STAT1: variants seen among roughly 807,000 people sequenced by gnomAD.
The protein encoded by STAT1 is signal transducer and activator of transcription 1, also known as signal transducer and activator of transcription 1-alpha/beta.
Under a neutral mutation model 111.7 loss-of-function variants are expected in STAT1, and 24 were observed. That is an observed-to-expected ratio of 0.21 (90% CI 0.16 to 0.30). The LOEUF (loss-of-function observed/expected upper bound fraction) is 0.30, where lower values mean the gene tolerates loss of function less well. Among genes scored for constraint, STAT1 ranks in the 10% least tolerant of loss-of-function variants. The pLI is 1.00. For synonymous variants in STAT1, 332 were observed against 326.5 expected (o/e 1.02, Z -0.18); for missense variants, 351 against 911.9 (o/e 0.38, Z 7.92).
In STAT1 at chr2:191,006,225, G is replaced by C. The variant is rs187006906; in HGVS notation, c.372+1338C>G. On this transcript the variant is annotated intron_variant, in intron 5 of 24. Coordinates refer to ENST00000361099, the MANE Select transcript of STAT1 (RefSeq NM_007315.4). The surrounding 1 kb of genome is among the most constrained non-coding windows in gnomAD (Gnocchi z 4.6). ...GAAGCCCCATATAATCAAAACTGCC[G>C]GCTGAAAATCTCCCAGGTATATGCC... Among the ~76,000 whole-genome samples, 2,943 of 152,276 alleles carry C rather than the reference G, an allele frequency of 0.019. 191 individuals are homozygous for C. Among genetic ancestry groups the C allele is most frequent in the Admixed American group, 0.13 (1,939 of 15,294 alleles).
chr2:190,971,672 A>G lies in STAT1; in HGVS notation c.2239-955T>C, dbSNP rs1289915186. ...AAAGCACAGTGAAAGTGTTGCCCCTATGTTTCAGTCTAGCTTATGTTTCTC... is the reference window on the plus strand; with the variant it reads ...AAAGCACAGTGAAAGTGTTGCCCCTGTGTTTCAGTCTAGCTTATGTTTCTC... On this transcript the variant is annotated intron_variant, in intron 24 of 24. Coordinates refer to ENST00000361099, the MANE Select transcript of STAT1 (RefSeq NM_007315.4). The surrounding 1 kb of genome is among the most constrained non-coding windows in gnomAD (Gnocchi z 4.1). Among the ~76,000 whole-genome samples, 2 of 150,770 alleles carry G rather than the reference A, an allele frequency of 1.3e-5. No homozygotes were observed. Among genetic ancestry groups the G allele is most frequent in the African/African-American group, 4.9e-5 (2 of 40,902 alleles).
rs981207480 is a variant in STAT1 at position 190,981,884 on chromosome 2, C to G, written c.1582+499G>C. Among the ~76,000 whole-genome samples the G allele has an allele frequency of 6.6e-6, 1 of 152,224 alleles. No homozygotes were observed. Among genetic ancestry groups the G allele is most frequent in the Admixed American group, 6.5e-5 (1 of 15,280 alleles). On this transcript the variant is annotated intron_variant, in intron 18 of 24. Coordinates refer to ENST00000361099, the MANE Select transcript of STAT1 (RefSeq NM_007315.4). This position sits in a 1 kb window ranked among gnomAD's most constrained non-coding sequence, Gnocchi z 4.1. ...TACCACTGTCTAGACTCTGTCCAAT[C>G]AGGCAAAACTGCAGATCAAAAGAGG...
At position 190,997,726 on chromosome 2, in the gene STAT1, A is replaced by G; in HGVS notation, c.785+130T>C. On this transcript the variant is annotated intron_variant, in intron 9 of 24. Transcript: ENST00000361099. The surrounding 1 kb of genome is among the most constrained non-coding windows in gnomAD (Gnocchi z 7.3). ...AGGGAGTGTTTCCAGGGTAAGCAGAAGCTGGACTATGTCAAACTCTATACT... is the reference window on the plus strand; with the variant it reads ...AGGGAGTGTTTCCAGGGTAAGCAGAGGCTGGACTATGTCAAACTCTATACT... The G allele has an allele frequency of 1.4e-6, 2 of 1,395,398 alleles. No homozygotes were observed. The highest frequency in any genetic ancestry group is 1.8e-5 in the Admixed American group (1 of 54,928). 86.4% of individuals were successfully genotyped at this position (1,395,398 alleles called of 1,614,324 possible).
intron 5 of STAT1, among the ~76,000 whole-genome samples, chr2:191,002,844 G>A (rs1235046973): frequency 6.6e-6 from 1 of 152,128 alleles, no homozygotes; most frequent in Non-Finnish European, 1.5e-5. Flanking sequence ...ATGTTTTTAT[G>A]AGGAATGAGT....
intron 10 of STAT1, among the ~76,000 whole-genome samples, chr2:190,994,578 G>C (rs532234828): frequency 1.3e-5 from 2 of 152,162 alleles, no homozygotes; most frequent in Non-Finnish European, 2.9e-5. Context: ...GGCCACAAGA[G>C]TGAAGAACCA....
In STAT1 at chr2:191,006,309, C is replaced by T. The variant is rs894187895; in HGVS notation, c.372+1254G>A. The stretch of plus-strand genomic sequence containing the variant: ...ACAACCTGGCCAGCTTCTCCTCCAG[C>T]GTTGATATACACCTTTGTTCCCTAG... On this transcript the variant is annotated intron_variant, in intron 5 of 24. Transcript: ENST00000361099. This position sits in a 1 kb window ranked among gnomAD's most constrained non-coding sequence, Gnocchi z 4.6. 3.3e-5 allele frequency among the ~76,000 whole-genome samples: 5 copies of T among 152,200 alleles called. No homozygotes were observed. Among genetic ancestry groups the T allele is most frequent in the Non-Finnish European group, 5.9e-5 (4 of 68,046 alleles).
chr2:190,976,803 CTG>C lies in STAT1; in HGVS notation c.2059+35_2059+36del. 6.4e-7 allele frequency: 1 copy of C among 1,572,438 alleles called. No homozygotes were observed. The highest frequency in any genetic ancestry group is 8.8e-7 in the Non-Finnish European group (1 of 1,142,210). On this transcript the variant is annotated intron_variant, in intron 22 of 24. Coordinates refer to ENST00000361099, the MANE Select transcript of STAT1 (RefSeq NM_007315.4). This position sits in a 1 kb window ranked among gnomAD's most constrained non-coding sequence, Gnocchi z 6.0. ...ATAATCACCCCCTCATCAGGAAAGA[CTG>C]TGCCACGCTGTTACCACCTGCTTGC...
At position 190,992,754 on chromosome 2, in the gene STAT1, A is replaced by AT. The variant is rs535148167; in HGVS notation, c.945-1435dup. On this transcript the variant is annotated intron_variant, in intron 10 of 24. Coordinates refer to ENST00000361099, the MANE Select transcript of STAT1 (RefSeq NM_007315.4). ...CATTAGCTTCTTAATCTCAGCTGCC[A>AT]TCATCATGGAACACAGTTCTACATT... 2.6e-4 allele frequency: 206 copies of AT among 805,672 alleles called. 4 individuals carry two copies. In the East Asian group the frequency reaches 4.2e-3, roughly 17 times the overall value. The allele number at this position is 805,672 out of a possible 1,614,324, so 49.9% of individuals were successfully genotyped here.
At chr2:190,992,981 G>C (rs1172774989) in intron 10 of STAT1, 1 of 256,476 alleles carries the variant, frequency 3.9e-6, no homozygotes, top group Non-Finnish European at 7.5e-6. Context: ...GTAGGGATGG[G>C]GTTTCATCAT....
In STAT1 at chr2:190,976,934, A is replaced by C. The variant is rs923594425; in HGVS notation, c.1965T>G (p.Ala655=). 6.2e-7 allele frequency: 1 copy of C among 1,614,164 alleles called. No individual in the cohort carries two copies. The highest frequency in any genetic ancestry group is 8.5e-7 in the Non-Finnish European group (1 of 1,179,986). ...GGGGATTCTCAGGAATATTCTCAGC[A>C]GCCATGACTTTGTAATTGCGAATGA... ...PDIIRNYKVM[A]AENIPENPLK... is the part of the protein sequence containing the mutation. The change falls in exon 22 of 25, where the codon GCT becomes GCG. Residue 655 remains alanine (A), a synonymous_variant. Transcript: ENST00000361099. The surrounding 1 kb of genome is among the most constrained non-coding windows in gnomAD (Gnocchi z 6.0).
At chr2:191,001,791 T>C (rs1274352990) in intron 5 of STAT1, among the ~76,000 whole-genome samples, 1 of 152,236 alleles carries the variant, frequency 6.6e-6, no homozygotes, top group African/African-American at 2.4e-5. Flanking sequence ...ACAGGGTCTC[T>C]ACTTGCTTCA....
Position 191,008,831 on chromosome 2 carries a change from A to G in STAT1, c.273+132T>C, listed in dbSNP as rs892495090. 13 of 924,452 alleles carry G rather than the reference A, an allele frequency of 1.4e-5. No homozygotes were observed. In the African/African-American group the frequency reaches 1.9e-4, roughly 13 times the overall value. 57.3% of individuals were successfully genotyped at this position (924,452 alleles called of 1,614,324 possible). A position where few individuals can be genotyped will look rare whatever the true frequency, so the allele number is the denominator to read the frequency against. On this transcript the variant is annotated intron_variant, in intron 4 of 24. Transcript: ENST00000361099. ...TATATTTACTGATGCTGTAGAAAAC[A>G]TAAATGGAGTTAGTCTCTATTACTT...
rs371982540 is a variant in STAT1 at position 190,983,725 on chromosome 2, C to T, written c.1363G>A (p.Val455Ile). 132 of 1,614,018 alleles carry T rather than the reference C, an allele frequency of 8.2e-5. No homozygotes were observed. Among genetic ancestry groups the T allele is most frequent in the Admixed American group, 3.5e-4 (21 of 59,996 alleles). ...VIDLETTSLP[V>I]VVISNVSQLP... Reference sequence around the variant, plus strand: ...TGGCTGACGTTGGAGATCACCACAACGGGCAGAGAGGTCGTCTAAAGGATG... The same window carrying T: ...TGGCTGACGTTGGAGATCACCACAATGGGCAGAGAGGTCGTCTAAAGGATG... The change falls in exon 17 of 25, where the codon GTT (valine) becomes ATT (isoleucine). Residue 455 changes from valine (V) to isoleucine (I), a missense_variant. Val to Ile is a conservative substitution (Grantham distance 29). Around this residue, in one of 7 missense-constraint regions of STAT1, gnomAD observed 181 missense variants for 426.1 expected, o/e 0.42. Coordinates refer to ENST00000361099, the MANE Select transcript of STAT1 (RefSeq NM_007315.4). This position sits in a 1 kb window ranked among gnomAD's most constrained non-coding sequence, Gnocchi z 5.7.
rs1175720501 is a variant in STAT1, at chr2:190,986,585, C to T, written c.1221+269G>A. 6.6e-6 allele frequency among the ~76,000 whole-genome samples: 1 copy of T among 152,200 alleles called. No individual in the cohort carries two copies. The highest frequency in any genetic ancestry group is 1.5e-5 in the Non-Finnish European group (1 of 68,038). On this transcript the variant is annotated intron_variant, in intron 14 of 24. Coordinates refer to ENST00000361099, the MANE Select transcript of STAT1 (RefSeq NM_007315.4). This position sits in a 1 kb window ranked among gnomAD's most constrained non-coding sequence, Gnocchi z 5.0. The stretch of plus-strand genomic sequence containing the variant: ...TGAGTGACCGTGGGGATCATGCAGG[C>T]AGCAAGTGCAAATCATTTACGTAAA...
rs1458820551 is a variant in STAT1, at chr2:190,995,438, A to G, written c.786-219T>C. 6.6e-6 allele frequency among the ~76,000 whole-genome samples: 1 copy of G among 152,192 alleles called. No individual in the cohort carries two copies. The highest frequency in any genetic ancestry group is 1.9e-4 in the East Asian group (1 of 5,198). On this transcript the variant is annotated intron_variant, in intron 9 of 24. Coordinates refer to ENST00000361099, the MANE Select transcript of STAT1 (RefSeq NM_007315.4). The surrounding 1 kb of genome is among the most constrained non-coding windows in gnomAD (Gnocchi z 4.2). ...GAAGGCAAATGAGGAGCAAAGTCAC[A>G]TCTTACATGGTGGCAGGCAAGAGAG...
chr2:190,991,082 G>T (rs987798909), intron 11 of STAT1, 146 bp downstream of exon 11: 2 of 703,474 alleles, frequency 2.8e-6, no homozygotes, highest in Admixed American at 4.2e-5. Flanking sequence ...AAGACTCTCA[G>T]ATATTCTCAG....
Position 190,982,690 on chromosome 2 carries a change from T to C in STAT1, c.1447-172A>G, listed in dbSNP as rs41379447. Among the ~76,000 whole-genome samples the C allele has an allele frequency of 2.8e-4, 43 of 152,340 alleles. No homozygotes were observed. Among genetic ancestry groups the C allele is most frequent in the African/African-American group, 8.7e-4 (36 of 41,572 alleles). On this transcript the variant is annotated intron_variant, in intron 17 of 24. Coordinates refer to ENST00000361099, the MANE Select transcript of STAT1 (RefSeq NM_007315.4). The surrounding 1 kb of genome is among the most constrained non-coding windows in gnomAD (Gnocchi z 7.3). ...ATTTTCATTATTTACAGATGCACAT[T>C]TGTGAACTTGTTTACTCACTAAAAT... is the stretch of plus-strand genomic sequence containing the variant.
In STAT1 at chr2:190,987,147, A is replaced by T; in HGVS notation, c.1098-79T>A. 9.3e-7 allele frequency: 1 copy of T among 1,072,352 alleles called. No homozygotes were observed. 66.4% of individuals were successfully genotyped at this position (1,072,352 alleles called of 1,614,324 possible). A position where few individuals can be genotyped will look rare whatever the true frequency, so the allele number is the denominator to read the frequency against. ...TTTAACAAAATTATAAGAGTATAAG[A>T]GCATAAGAGTGTAAGTGAATGATGA... On this transcript the variant is annotated intron_variant, in intron 12 of 24. Transcript: ENST00000361099. This position sits in a 1 kb window ranked among gnomAD's most constrained non-coding sequence, Gnocchi z 4.0.
In STAT1 at chr2:190,986,914, T is replaced by A. The variant is rs746541079; in HGVS notation, c.1161A>T (p.Thr387=). Residue 387 remains threonine, a synonymous_variant, in exon 14 of 25, where the codon ACA becomes ACT. Transcript: ENST00000361099. This position sits in a 1 kb window ranked among gnomAD's most constrained non-coding sequence, Gnocchi z 5.0. The part of the protein sequence containing the change: ...FRKFNILGTH[T]KVMNMEESTN... ...TGGACTCCTCCATGTTCATCACTTT[T>A]GTGTGCGTGCCCAAAATGTTGAACT... is the stretch of plus-strand genomic sequence containing the variant. The A allele has an allele frequency of 4.3e-6, 7 of 1,614,138 alleles. No homozygotes were observed. Among genetic ancestry groups the A allele is most frequent in the Non-Finnish European group, 5.9e-6 (7 of 1,180,050 alleles).
Sources: allele counts gnomAD v4.1 joint callset (sites outside exome capture counted in the v4.1 genomes callset), GRCh38; gene constraint gnomAD v4.1.1; regional missense constraint gnomAD v4.1.1; non-coding constraint Gnocchi (gnomAD v3.1); transcripts MANE v1.5; gene names NCBI Gene and HGNC (gene_info 2026-07-23, HGNC 2026-07-21).